The following DIAPH2 variants were observed in gnomAD, a reference collection of about 807,000 sequenced individuals.
The protein encoded by DIAPH2 is protein diaphanous homolog 2.
Under a neutral mutation model 92.7 loss-of-function variants are expected in DIAPH2, and 35 were observed. That is an observed-to-expected ratio of 0.38 (90% CI 0.29 to 0.50). The LOEUF is 0.50. DIAPH2 is among the 20% of genes least tolerant of loss of function. DIAPH2 has a pLI of 0.94. For synonymous variants in DIAPH2, 301 were observed against 280.4 expected (o/e 1.07, Z -0.73); for missense variants, 701 against 819.5 (o/e 0.86, Z 1.77).
At chrX:96,698,676 G>T (rs2063838155) in intron 1 of DIAPH2, among the ~76,000 whole-genome samples, 1 of 108,893 alleles carries the variant, frequency 9.2e-6, no homozygotes, top group Non-Finnish European at 1.9e-5. Context: ...ATACCAGTAT[G>T]TGTCTGGAGC....
chrX:97,538,263 A>G lies in DIAPH2; in HGVS notation c.3242-60990A>G, dbSNP rs140978958. On this transcript the variant is annotated intron_variant, in intron 26 of 26. Coordinates refer to ENST00000324765, the MANE Select transcript of DIAPH2 (RefSeq NM_006729.5). ...AAGCCATTAAATTTTGCCATAATTT[A>G]TTAGGCAGCAATATGTCATTAACAG... Among the ~76,000 whole-genome samples the G allele has an allele frequency of 4.9e-3, 553 of 112,068 alleles. 2 individuals carry two copies. Among genetic ancestry groups the G allele is most frequent in the African/African-American group, 0.017 (537 of 30,904 alleles).
Position 97,213,444 on chromosome X carries a change from G to T in DIAPH2, c.2720-34271G>T, listed in dbSNP as rs778619064. ...AAAATATGCAGTGTGTCACATTTTG[G>T]GTTAATATCATCAAGACAAACAACT... On this transcript the variant is annotated intron_variant, in intron 22 of 26. Coordinates refer to ENST00000324765, the MANE Select transcript of DIAPH2 (RefSeq NM_006729.5). Among the ~76,000 whole-genome samples, 10 of 111,284 alleles carry T rather than the reference G, an allele frequency of 9.0e-5. No individual in the cohort carries two copies. In the South Asian group the frequency reaches 2.6e-3, roughly 29 times the overall value.
At position 96,878,685 on chromosome X, in the gene DIAPH2, G is replaced by A. The variant is rs764141865; in HGVS notation, c.448-2894G>A. On this transcript the variant is annotated intron_variant, in intron 4 of 26. Transcript: ENST00000324765. ...GATGGGCTGGCTCACTTGTCCACAAGGAGTACCTCGGCCATAACCATATGT... is the reference window on the plus strand; with the variant it reads ...GATGGGCTGGCTCACTTGTCCACAAAGAGTACCTCGGCCATAACCATATGT... 4.5e-5 allele frequency among the ~76,000 whole-genome samples: 5 copies of A among 111,197 alleles called. No homozygotes were observed. In the East Asian group the frequency reaches 1.4e-3, roughly 31 times the overall value.
intron 20 of DIAPH2, among the ~76,000 whole-genome samples, chrX:97,101,398 T>G (rs1375240507): frequency 9.0e-6 from 1 of 111,033 alleles, no homozygotes; most frequent in Non-Finnish European, 1.9e-5. Flanking sequence ...AAAAGCAAAA[T>G]AGAAAATGGA....
chrX:97,371,964 G>C (rs746893376), intron 24 of DIAPH2, among the ~76,000 whole-genome samples: 8 of 112,584 alleles, frequency 7.1e-5, no homozygotes, highest in African/African-American at 2.6e-4. Context: ...AATCAACAGA[G>C]GTCTACATTG....
At chrX:97,579,055 T>C (rs2071419704) in intron 26 of DIAPH2, among the ~76,000 whole-genome samples, 1 of 105,542 alleles carries the variant, frequency 9.5e-6, no homozygotes. Flanking sequence ...GAGTTCATTG[T>C]AGATTCTGGA....
chrX:97,229,753 G>A (rs2147525473), intron 22 of DIAPH2, among the ~76,000 whole-genome samples: 1 of 104,727 alleles, frequency 9.5e-6, no homozygotes. Flanking sequence ...AGAGATTTGG[G>A]CTTATATATA....
At chrX:97,138,362 G>A (rs899062541) in intron 21 of DIAPH2, among the ~76,000 whole-genome samples, 1 of 90,900 alleles carries the variant, frequency 1.1e-5, no homozygotes, top group African/African-American at 4.0e-5. Flanking sequence ...TATAACGTTT[G>A]TGTGTACTAG....
chrX:97,569,714 G>C (rs989099522), intron 26 of DIAPH2, among the ~76,000 whole-genome samples: 1 of 110,431 alleles, frequency 9.1e-6, no homozygotes, highest in African/African-American at 3.3e-5. Context: ...TCTATAGAGT[G>C]ATTATTATAT....
chrX:96,985,812 T>C (rs1191845406), intron 17 of DIAPH2, among the ~76,000 whole-genome samples: 1 of 110,742 alleles, frequency 9.0e-6, no homozygotes, highest in African/African-American at 3.3e-5. Context: ...AATTATATTA[T>C]CATGCCTGTT....
intron 24 of DIAPH2, among the ~76,000 whole-genome samples, chrX:97,378,679 G>A (rs942579247): frequency 1.8e-5 from 2 of 111,963 alleles, no homozygotes; most frequent in Non-Finnish European, 3.8e-5. Context: ...CCACTGCACC[G>A]CAGTCTGGGT....
At chrX:97,255,719 C>T (rs1602454445) in intron 23 of DIAPH2, among the ~76,000 whole-genome samples, 2 of 111,904 alleles carry the variant, frequency 1.8e-5, no homozygotes, top group South Asian at 7.4e-4. Flanking sequence ...ATTCTTTTAT[C>T]ATGTCTTGAT....
intron 17 of DIAPH2, among the ~76,000 whole-genome samples, chrX:97,039,196 C>T (rs1236409384): frequency 3.6e-5 from 4 of 111,218 alleles, no homozygotes; most frequent in Admixed American, 1.9e-4. Context: ...AGCTTTATTA[C>T]ATATTGACCA....
In DIAPH2 at chrX:97,584,622, G is replaced by C. The variant is rs753972900; in HGVS notation, c.3242-14631G>C. Reference sequence around the variant, plus strand: ...AGTCAACATTTTGTGATAGAATTCAGGGTCATCAGACTCCATACCAAATGA... The same window carrying C: ...AGTCAACATTTTGTGATAGAATTCACGGTCATCAGACTCCATACCAAATGA... On this transcript the variant is annotated intron_variant, in intron 26 of 26. Coordinates refer to ENST00000324765, the MANE Select transcript of DIAPH2 (RefSeq NM_006729.5). Among the ~76,000 whole-genome samples the C allele has an allele frequency of 1.1e-4, 12 of 111,404 alleles. No homozygotes were observed. The South Asian group carries it at 4.2e-3, about 39-fold the overall frequency.
intron 22 of DIAPH2, among the ~76,000 whole-genome samples, chrX:97,247,244 C>A (rs1018888555): frequency 6.3e-5 from 7 of 111,657 alleles, no homozygotes; most frequent in Non-Finnish European, 1.3e-4. Flanking sequence ...GAGATGGGAA[C>A]TTTTACCATA....
chrX:96,770,237 A>G (rs2064330079), intron 4 of DIAPH2, among the ~76,000 whole-genome samples: 1 of 111,252 alleles, frequency 9.0e-6, no homozygotes, highest in African/African-American at 3.3e-5. Flanking sequence ...TCAGGCTTAA[A>G]ATAATAAATT....
intron 25 of DIAPH2, among the ~76,000 whole-genome samples, chrX:97,397,354 G>A (rs1277439979): frequency 4.8e-5 from 1 of 20,718 alleles, no homozygotes; most frequent in Admixed American, 9.2e-4. Context: ...TACTTTAAAT[G>A]TACTTTAAAA....
chrX:97,336,022 T>A (rs1337887109), intron 23 of DIAPH2, among the ~76,000 whole-genome samples: 1 of 110,589 alleles, frequency 9.0e-6, no homozygotes, highest in African/African-American at 3.3e-5. Context: ...TTTCATCTTC[T>A]TTGTGTTCCT....
chrX:97,151,975 T>C (rs912969752), intron 22 of DIAPH2, among the ~76,000 whole-genome samples: 2 of 111,648 alleles, frequency 1.8e-5, no homozygotes, highest in African/African-American at 3.3e-5. Flanking sequence ...AGCTTTCTGC[T>C]GCCACAGCAG....
Sources: gnomAD v4.1 joint callset for allele counts (sites outside exome capture counted in the v4.1 genomes callset) on GRCh38, gnomAD v4.1.1 for gene constraint, MANE v1.5 for transcripts, NCBI Gene and HGNC (gene_info 2026-07-23, HGNC 2026-07-21) for gene names.